CCDC15: variants seen among roughly 807,000 people sequenced by gnomAD.
CCDC15 encodes the protein coiled-coil domain-containing protein 15.
In CCDC15, 105 loss-of-function variants were observed where a neutral mutation model predicts 114.5. That is an observed-to-expected ratio of 0.92 (90% CI 0.78 to 1.08). The LOEUF is 1.08. CCDC15 is among the 50% of genes least tolerant of loss of function. The pLI, the probability that CCDC15 is intolerant of heterozygous loss-of-function variation, is 0.00. For missense variants in CCDC15, 1,105 were observed against 1,093.6 expected (o/e 1.01, Z -0.15); for synonymous variants, 334 against 377.8 (o/e 0.88, Z 1.34).
chr11:125,021,007 T>C (rs1050177409), intron 13 of CCDC15, among the ~76,000 whole-genome samples: 6 of 151,726 alleles, frequency 4.0e-5, no homozygotes, highest in African/African-American at 1.5e-4. Flanking sequence ...ATATCAGGGA[T>C]TGATCTATGT....
At chr11:124,994,444 T>C (rs1289216066) in intron 11 of CCDC15, among the ~76,000 whole-genome samples, 1 of 152,198 alleles carries the variant, frequency 6.6e-6, no homozygotes, top group Non-Finnish European at 1.5e-5. Context: ...GGTCTCCCAT[T>C]GAAACCTAGG....
intron 13 of CCDC15, chr11:125,037,583 A>G (rs557202475): frequency 6.6e-5 from 10 of 152,390 alleles, no homozygotes; most frequent in African/African-American, 2.2e-4. Flanking sequence ...TTCAATTCTT[A>G]GAGCCCATCA....
chr11:124,978,252 C>T (rs1252561446), intron 6 of CCDC15, among the ~76,000 whole-genome samples: 1 of 152,134 alleles, frequency 6.6e-6, no homozygotes, highest in Non-Finnish European at 1.5e-5. Context: ...TTTCTTTATC[C>T]AGTCTGCTGT....
At chr11:124,986,700 T>TGTGTGTGTGTGTGTGTGTGA in intron 6 of CCDC15, 42 bp from the exon 7 acceptor site, 2 of 1,351,588 alleles carry the variant, frequency 1.5e-6, no homozygotes, top group African/African-American at 1.6e-5. Context: ...TTTGTGTGTG[T>TGTGTGTGTGTGTGTGTGTGA]GCGCGCGCGC....
intron 9 of CCDC15, among the ~76,000 whole-genome samples, 196 bp downstream of exon 9, chr11:124,991,779 G>A (rs139036629): frequency 0.014 from 2,198 of 152,274 alleles, 56 homozygotes; most frequent in African/African-American, 0.049. Context: ...TGCCTCCTGG[G>A]TTCAAACGAT....
chr11:124,975,146 C>T lies in CCDC15; in HGVS notation c.567C>T (p.Thr189=), dbSNP rs150637837. 152 of 1,598,296 alleles carry T rather than the reference C, an allele frequency of 9.5e-5. 1 individual carries two copies. The Admixed American group carries it at 2.2e-3, about 23-fold the overall frequency. ...QARHRLASFK[T]VIKKKGSVFP... The stretch of plus-strand genomic sequence containing the variant: ...GTCACCGGCTAGCATCCTTTAAAAC[C>T]GTGATTAAAAAAAAGGGATCAGTGT... The change falls in exon 5 of 16, where the codon ACC becomes ACT. Residue 189 remains threonine, a synonymous_variant. Coordinates refer to ENST00000344762, the MANE Select transcript of CCDC15 (RefSeq NM_025004.3).
At chr11:124,960,070 C>A in intron 4 of CCDC15, 67 bp downstream of exon 4, 1 of 1,234,066 alleles carries the variant, frequency 8.1e-7, no homozygotes, top group Non-Finnish European at 1.1e-6. Flanking sequence ...ATAAATATGA[C>A]ATCTAGGGTA....
chr11:125,023,027 T>A (rs1948672292), intron 13 of CCDC15, among the ~76,000 whole-genome samples: 1 of 151,936 alleles, frequency 6.6e-6, no homozygotes. Context: ...TTTGATGAAT[T>A]TCTGCTTTTC....
chr11:125,021,393 T>C (rs1032736454), intron 13 of CCDC15, among the ~76,000 whole-genome samples: 9 of 151,870 alleles, frequency 5.9e-5, no homozygotes, highest in African/African-American at 2.2e-4. Flanking sequence ...TATTTAGACA[T>C]TTTTTCTAAC....
intron 4 of CCDC15, among the ~76,000 whole-genome samples, chr11:124,960,508 A>C (rs1591567996): frequency 6.6e-6 from 1 of 152,258 alleles, no homozygotes. Flanking sequence ...GTTGCAAAGA[A>C]GTTCAGTATA....
At chr11:125,017,549 T>C (rs1948636248) in intron 13 of CCDC15, among the ~76,000 whole-genome samples, 1 of 152,166 alleles carries the variant, frequency 6.6e-6, no homozygotes, top group Non-Finnish European at 1.5e-5. Flanking sequence ...TACAGTTATG[T>C]ACAATGCATA....
At chr11:125,010,472 C>T (rs112893803) in intron 13 of CCDC15, among the ~76,000 whole-genome samples, 9,519 of 151,350 alleles carry the variant, frequency 0.063, 362 homozygotes, top group African/African-American at 0.1. Flanking sequence ...AAGTGATTCT[C>T]GTGCCTATCT....
intron 2 of CCDC15, among the ~76,000 whole-genome samples, chr11:124,958,531 G>A (rs1947594608): frequency 6.6e-6 from 1 of 152,042 alleles, no homozygotes; most frequent in Admixed American, 6.6e-5. Flanking sequence ...TGAAGGCTCT[G>A]TACTAGATGC....
intron 13 of CCDC15, among the ~76,000 whole-genome samples, chr11:125,026,360 A>G (rs1428450336): frequency 6.6e-6 from 1 of 152,088 alleles, no homozygotes; most frequent in South Asian, 2.1e-4. Flanking sequence ...AGTCCCACAA[A>G]TGCTATACTA....
At position 124,987,429 on chromosome 11, in the gene CCDC15, A is replaced by G; in HGVS notation, c.1203A>G (p.Glu401=). 2 of 1,613,998 alleles carry G rather than the reference A, an allele frequency of 1.2e-6. No homozygotes were observed. The highest frequency in any genetic ancestry group is 1.6e-4 in the Middle Eastern group (1 of 6,062). Residue 401 remains glutamate, a synonymous_variant, in exon 8 of 16, where the codon GAA becomes GAG. Coordinates refer to ENST00000344762, the MANE Select transcript of CCDC15 (RefSeq NM_025004.3). ...IMLKAQSIEL[E]EGSIVLKTQD... ...TGAAAGCCCAGAGTATTGAGCTAGA[A>G]GAAGGGAGTATTGTGTTGAAAACCC...
At chr11:125,024,342 C>T (rs1948681215) in intron 13 of CCDC15, among the ~76,000 whole-genome samples, 1 of 151,958 alleles carries the variant, frequency 6.6e-6, no homozygotes, top group Non-Finnish European at 1.5e-5. Context: ...ATTAGTGTTT[C>T]AGTTTCTACA....
At chr11:125,026,833 C>T (rs61912674) in intron 13 of CCDC15, among the ~76,000 whole-genome samples, 19,354 of 152,002 alleles carry the variant, frequency 0.13, 1,370 homozygotes, top group Non-Finnish European at 0.15. Flanking sequence ...TTGGTGCACC[C>T]GTCACCCAAG....
intron 4 of CCDC15, 85 bp downstream of exon 4, chr11:124,960,088 G>C: frequency 1.0e-6 from 1 of 980,628 alleles, no homozygotes. Context: ...GTATGAGGTA[G>C]GGATTAAGAG....
chr11:124,962,894 G>A (rs950501245), intron 4 of CCDC15, among the ~76,000 whole-genome samples: 1 of 152,182 alleles, frequency 6.6e-6, no homozygotes, highest in Non-Finnish European at 1.5e-5. Context: ...GTGAGAACAT[G>A]CGGTGTTTGG....
Sources: allele counts gnomAD v4.1 joint callset (sites outside exome capture counted in the v4.1 genomes callset), GRCh38; gene constraint gnomAD v4.1.1; transcripts MANE v1.5; gene names NCBI Gene and HGNC (gene_info 2026-07-23, HGNC 2026-07-21).